The following TMEM163 variants were observed in gnomAD, a reference collection of about 807,000 sequenced individuals.
TMEM163 encodes the protein transmembrane protein 163.
Under a neutral mutation model 29.3 loss-of-function variants are expected in TMEM163, and 17 were observed. That is an observed-to-expected ratio of 0.58 (90% CI 0.40 to 0.87). TMEM163 has a LOEUF of 0.87. Among genes scored for constraint, TMEM163 ranks in the 40% least tolerant of loss-of-function variants. The pLI is 0.00. For synonymous variants in TMEM163, 157 were observed against 160.6 expected, an observed-to-expected ratio of 0.98 and a Z score of 0.17; for missense variants, 303 against 381.5, an observed-to-expected ratio of 0.79 and a Z score of 1.71.
intron 2 of TMEM163, among the ~76,000 whole-genome samples, chr2:134,707,580 A>T (rs1684842018): frequency 6.6e-6 from 1 of 152,186 alleles, no homozygotes; most frequent in Non-Finnish European, 1.5e-5. Context: ...TCATGGAAGT[A>T]TTTCAGGGGT....
At chr2:134,458,458 G>C (rs918329944) in intron 6 of TMEM163, 4 of 386,874 alleles carry the variant, frequency 1.0e-5, no homozygotes, top group Non-Finnish European at 1.9e-5. Flanking sequence ...GCCCGTGCCC[G>C]CTAGAACGCA....
chr2:134,591,320 T>C (rs1009664200), intron 2 of TMEM163, among the ~76,000 whole-genome samples: 1 of 152,142 alleles, frequency 6.6e-6, no homozygotes, highest in African/African-American at 2.4e-5. Flanking sequence ...TGTGGTGCAT[T>C]GGGAAGACTG....
At chr2:134,625,509 C>T (rs895889459) in intron 2 of TMEM163, among the ~76,000 whole-genome samples, 9 of 152,114 alleles carry the variant, frequency 5.9e-5, no homozygotes, top group East Asian at 1.9e-4. Context: ...AGTCAGAGTC[C>T]GGAAGCACAA....
At chr2:134,533,360 T>TGTGTAC (rs139961822) in intron 4 of TMEM163, among the ~76,000 whole-genome samples, 1,783 of 152,342 alleles carry the variant, frequency 0.012, 33 homozygotes, top group African/African-American at 0.039. Context: ...TGTTTGTGTG[T>TGTGTAC]GTGCACGTGC....
chr2:134,575,827 C>A (rs1186072908), intron 2 of TMEM163, among the ~76,000 whole-genome samples: 2 of 152,046 alleles, frequency 1.3e-5, no homozygotes, highest in South Asian at 2.1e-4. Context: ...TATGAGAGAA[C>A]ATCCTAAGTC....
At chr2:134,713,852 C>G (rs1265135636) in intron 1 of TMEM163, among the ~76,000 whole-genome samples, 1 of 152,208 alleles carries the variant, frequency 6.6e-6, no homozygotes, top group African/African-American at 2.4e-5. Flanking sequence ...GGAGAAGAAC[C>G]ATTTCTCTTT....
chr2:134,639,270 T>C (rs998161186), intron 2 of TMEM163, among the ~76,000 whole-genome samples: 2 of 152,120 alleles, frequency 1.3e-5, no homozygotes, highest in Non-Finnish European at 2.9e-5. Context: ...ATTCGTAAGC[T>C]GAAGAGAAGG....
chr2:134,578,854 G>T (rs777216421), intron 2 of TMEM163, among the ~76,000 whole-genome samples: 1 of 152,078 alleles, frequency 6.6e-6, no homozygotes, highest in African/African-American at 2.4e-5. Flanking sequence ...TTTTCAGAAG[G>T]GAGGTAAAAA....
At chr2:134,523,496 T>G (rs541485278) in intron 4 of TMEM163, among the ~76,000 whole-genome samples, 1 of 152,318 alleles carries the variant, frequency 6.6e-6, no homozygotes, top group South Asian at 2.1e-4. Context: ...ATTACTGATG[T>G]CTTTCAAAAT....
At chr2:134,626,407 C>G (rs1308394642) in intron 2 of TMEM163, among the ~76,000 whole-genome samples, 1 of 151,954 alleles carries the variant, frequency 6.6e-6, no homozygotes, top group African/African-American at 2.4e-5. Context: ...GCCCAGCCTC[C>G]TTTTCCAGCT....
intron 5 of TMEM163, among the ~76,000 whole-genome samples, chr2:134,488,447 C>T (rs527959478): frequency 1.3e-5 from 2 of 152,308 alleles, no homozygotes; most frequent in South Asian, 4.1e-4. Context: ...TGCCCTCAAA[C>T]ATCAGACTCC....
chr2:134,533,327 T>C (rs1680454365), intron 4 of TMEM163, among the ~76,000 whole-genome samples: 1 of 152,234 alleles, frequency 6.6e-6, no homozygotes, highest in African/African-American at 2.4e-5. Context: ...AGAAAGATCC[T>C]ATTTTCATTA....
chr2:134,464,787 C>T (rs543867984), intron 6 of TMEM163, among the ~76,000 whole-genome samples: 10 of 152,218 alleles, frequency 6.6e-5, no homozygotes, highest in African/African-American at 2.4e-4. Context: ...GTCGACAGTC[C>T]CACCACCTCT....
In TMEM163 at chr2:134,718,727, C is replaced by T; in HGVS notation, c.202+7G>A. The T allele has an allele frequency of 8.7e-7, 1 of 1,152,694 alleles. No homozygotes were observed. Among genetic ancestry groups the T allele is most frequent in the Non-Finnish European group, 1.1e-6 (1 of 936,956 alleles). 71.4% of individuals were successfully genotyped at this position (1,152,694 alleles called of 1,614,324 possible). On this transcript the variant is annotated splice_region_variant and intron_variant, in intron 1 of 7. Coordinates refer to ENST00000281924, the MANE Select transcript of TMEM163 (RefSeq NM_030923.5). ...GTCGCCGGCCGGGTCGGGCAGCTCG[C>T]GCTCACCTCGGTCCTCCAGCCCGTC...
chr2:134,543,955 G>C (rs1307209959), intron 4 of TMEM163, among the ~76,000 whole-genome samples: 2 of 152,178 alleles, frequency 1.3e-5, no homozygotes, highest in African/African-American at 4.8e-5. Flanking sequence ...GCTGCATTGT[G>C]ACGCTGTGTT....
intron 2 of TMEM163, among the ~76,000 whole-genome samples, chr2:134,686,668 A>C (rs141980003): frequency 7.2e-4 from 109 of 152,342 alleles, no homozygotes; most frequent in African/African-American, 2.6e-3. Flanking sequence ...TTTGATACAA[A>C]TTTAACCAAA....
intron 2 of TMEM163, among the ~76,000 whole-genome samples, chr2:134,562,451 A>C (rs1012459651): frequency 6.6e-6 from 1 of 152,238 alleles, no homozygotes; most frequent in African/African-American, 2.4e-5. Flanking sequence ...CACTACGGGC[A>C]AGAAGAGCTA....
rs375984937 is a variant in TMEM163, at chr2:134,456,740, T to G, written c.846A>C (p.Thr282=). 6.2e-7 allele frequency: 1 copy of G among 1,613,542 alleles called. No homozygotes were observed. The highest frequency in any genetic ancestry group is 1.7e-5 in the Admixed American group (1 of 59,964). ...TTCACTCAAACATCTCGTAGTGACG[T>G]GTCTGCCTCACCCTCGGCACCATGT... ...LIDMVPRVRQ[T]RHYEMFE is the part of the protein sequence containing the mutation. The change falls in exon 8 of 8, where the codon ACA becomes ACC. Residue 282 remains threonine, a synonymous_variant. Transcript: ENST00000281924.
intron 2 of TMEM163, among the ~76,000 whole-genome samples, chr2:134,663,534 A>G (rs1038697675): frequency 6.6e-6 from 1 of 152,230 alleles, no homozygotes; most frequent in Non-Finnish European, 1.5e-5. Context: ...CCATGATCAC[A>G]TGCTCTAAAT....
Sources: allele counts gnomAD v4.1 joint callset (sites outside exome capture counted in the v4.1 genomes callset), GRCh38; gene constraint gnomAD v4.1.1; transcripts MANE v1.5; gene names NCBI Gene and HGNC (gene_info 2026-07-23, HGNC 2026-07-21).